The following SLC11A2 variants were observed in gnomAD, a reference collection of about 807,000 sequenced individuals.
SLC11A2 encodes the protein natural resistance-associated macrophage protein 2.
A neutral mutation model predicts 68.0 loss-of-function variants in SLC11A2; 38 were observed. That is an observed-to-expected ratio of 0.56 (90% CI 0.43 to 0.73). SLC11A2 has a LOEUF of 0.73. Among genes scored for constraint, SLC11A2 ranks in the 30% least tolerant of loss-of-function variants. SLC11A2 has a pLI of 0.00. For missense variants in SLC11A2, 517 were observed against 690.5 expected, an observed-to-expected ratio of 0.75 and a Z score of 2.82; for synonymous variants, 242 against 250.6, an observed-to-expected ratio of 0.97 and a Z score of 0.32.
intron 1 of SLC11A2, among the ~76,000 whole-genome samples, chr12:51,019,644 C>CTTT (rs767266753): frequency 3.7e-5 from 5 of 135,744 alleles, no homozygotes; most frequent in Non-Finnish European, 6.4e-5. Context: ...ATCCATCCAA[C>CTTT]TTTTTTTTTT....
At chr12:50,992,099 TC>T (rs1565989260) in intron 13 of SLC11A2, 90 bp downstream of exon 13, 9 of 1,249,260 alleles carry the variant, frequency 7.2e-6, no homozygotes, top group Admixed American at 1.7e-5. Flanking sequence ...CCTCTCAATA[TC>T]CCCCCAGCAC....
At chr12:50,975,414 C>T (rs545811545), downstream of SLC11A2, among the ~76,000 whole-genome samples, 1 of 152,270 alleles carries the variant, frequency 6.6e-6, no homozygotes, top group Admixed American at 6.5e-5. Flanking sequence ...GAAATGAAGG[C>T]AGAAATAAAG....
chr12:51,002,446 C>T (rs1309882589), intron 5 of SLC11A2, among the ~76,000 whole-genome samples: 1 of 151,808 alleles, frequency 6.6e-6, no homozygotes, highest in Non-Finnish European at 1.5e-5. Context: ...TGAGATCAGC[C>T]TGGCCAACAT....
downstream of SLC11A2, chr12:50,980,239 G>T (rs375661579): frequency 2.6e-5 from 6 of 233,718 alleles, no homozygotes; most frequent in South Asian, 3.0e-4. Context: ...AACAAAAAAC[G>T]CTGGGTGCAG....
downstream of SLC11A2, among the ~76,000 whole-genome samples, chr12:50,982,360 T>C (rs1481845009): frequency 6.6e-6 from 1 of 152,166 alleles, no homozygotes; most frequent in Non-Finnish European, 1.5e-5. Context: ...GTGCGGTGGC[T>C]CACGCCTGTA....
At position 50,999,224 on chromosome 12, in the gene SLC11A2, C is replaced by T. The variant is rs115874705; in HGVS notation, c.625G>A (p.Ala209Thr). ...LDKYGLRKLEAFFGFLITIMA... is the reference protein window; with the variant it reads ...LDKYGLRKLETFFGFLITIMA... The stretch of plus-strand genomic sequence containing the variant: ...ATAGTGATGAGAAAGCCAAAAAATG[C>T]TTCTAGCTTCCGCAAGCCTAAAGGA... The change falls in exon 8 of 16, where the codon GCA becomes ACA. Residue 209 changes from alanine to threonine, a missense_variant. Transcript: ENST00000262052. 7.7e-4 allele frequency: 1,239 copies of T among 1,614,080 alleles called. 8 individuals carry two copies. In the African/African-American group the frequency reaches 0.014, roughly 18 times the overall value.
chr12:50,975,056 C>T (rs572140079), downstream of SLC11A2, among the ~76,000 whole-genome samples: 189 of 152,196 alleles, frequency 1.2e-3, no homozygotes, highest in Non-Finnish European at 1.6e-3. Flanking sequence ...CTTTAACACC[C>T]GACTGTCAAC....
At chr12:51,026,164 A>G in intron 1 of SLC11A2, 146 bp downstream of exon 1, 1 of 1,161,740 alleles carries the variant, frequency 8.6e-7, no homozygotes, top group Non-Finnish European at 1.1e-6. Context: ...CTCCCTGGCC[A>G]CACCTCCCCT....
chr12:51,008,225 GATAGATA>G (rs1942895683), intron 3 of SLC11A2: 1 of 283,072 alleles, frequency 3.5e-6, no homozygotes, highest in Non-Finnish European at 5.9e-6. Flanking sequence ...TAGATAGACA[GATAGATA>G]GATAGATAGA....
the SLC11A2 span, among the ~76,000 whole-genome samples, chr12:50,959,726 C>T: frequency 7.9e-5 from 12 of 152,182 alleles, no homozygotes; most frequent in Non-Finnish European, 1.6e-4. Flanking sequence ...CAGCTCACTG[C>T]AACCTCCACC....
intron 9 of SLC11A2, among the ~76,000 whole-genome samples, chr12:50,996,472 G>C (rs967225332): frequency 4.6e-5 from 7 of 151,962 alleles, no homozygotes; most frequent in African/African-American, 1.7e-4. Flanking sequence ...GTACTCAAGA[G>C]GCTGAGGCAC....
chr12:50,966,811 A>ACTTTAG, the SLC11A2 span, among the ~76,000 whole-genome samples: 81 of 152,122 alleles, frequency 5.3e-4, no homozygotes, highest in African/African-American at 1.9e-3. Flanking sequence ...CAATGGTTTA[A>ACTTTAG]CATAAGTGAC....
intron 5 of SLC11A2, among the ~76,000 whole-genome samples, chr12:51,001,867 T>C (rs774587533): frequency 2.0e-4 from 30 of 152,098 alleles, no homozygotes; most frequent in African/African-American, 5.5e-4. Flanking sequence ...ACAGAAAAGG[T>C]TGGAGTCACC....
At chr12:51,028,272 A>G (rs1566054182), upstream of SLC11A2, 1 of 1,467,890 alleles carries the variant, frequency 6.8e-7, no homozygotes, top group Admixed American at 2.0e-5. Context: ...CTGCCTCTAT[A>G]TATGAAGACA....
chr12:50,996,023 C>G (rs993859010), intron 9 of SLC11A2, among the ~76,000 whole-genome samples: 1 of 152,182 alleles, frequency 6.6e-6, no homozygotes, highest in Non-Finnish European at 1.5e-5. Context: ...AAATAGGGAA[C>G]AGAGACTAAA....
chr12:50,958,386 AT>A, the SLC11A2 span, among the ~76,000 whole-genome samples: 2 of 147,882 alleles, frequency 1.4e-5, no homozygotes, highest in East Asian at 4.1e-4. Flanking sequence ...GGTTCACACC[AT>A]TCTCCTGTCT....
At chr12:51,020,712 C>A (rs1226480466) in intron 1 of SLC11A2, among the ~76,000 whole-genome samples, 1 of 152,112 alleles carries the variant, frequency 6.6e-6, no homozygotes, top group Non-Finnish European at 1.5e-5. Flanking sequence ...GGGGAAAAAA[C>A]GGTTGCTTGT....
rs762762552 is a variant in SLC11A2 at position 51,010,725 on chromosome 12, C to A, written c.4G>T (p.Val2Leu). Residue 2 changes from valine to leucine, a missense_variant, in exon 2 of 16, where the codon GTG becomes TTG. Val to Leu is a conservative substitution (Grantham distance 32). Transcript: ENST00000262052. Reference sequence around the variant, plus strand: ...GACATCTTCTGTTCAGGACCCAGCACCATGGTGGATACCTGAGTGGCTGAG... The same window carrying A: ...GACATCTTCTGTTCAGGACCCAGCAACATGGTGGATACCTGAGTGGCTGAG... M[V>L]LGPEQKMSDD... 64 of 1,606,110 alleles carry A rather than the reference C, an allele frequency of 4.0e-5. No individual in the cohort carries two copies. The highest frequency in any genetic ancestry group is 1.6e-4 in the Middle Eastern group (1 of 6,064).
At chr12:50,998,974 C>T (rs1941971978) in intron 8 of SLC11A2, among the ~76,000 whole-genome samples, 200 bp downstream of exon 8, 3 of 152,070 alleles carry the variant, frequency 2.0e-5, no homozygotes, top group Admixed American at 6.6e-5. Flanking sequence ...CTGGGAGCCC[C>T]TGCAGGCCTT....
Sources: allele counts gnomAD v4.1 joint callset (sites outside exome capture counted in the v4.1 genomes callset), GRCh38; gene constraint gnomAD v4.1.1; transcripts MANE v1.5; gene names NCBI Gene and HGNC (gene_info 2026-07-23, HGNC 2026-07-21).